Variants in DIPK1A observed in about 807,000 individuals in gnomAD.
DIPK1A encodes the protein divergent protein kinase domain 1A.
In DIPK1A, 27 loss-of-function variants were observed where a neutral mutation model predicts 40.8. That is an observed-to-expected ratio of 0.66 (90% CI 0.49 to 0.91). DIPK1A has a LOEUF of 0.91. Ranked by LOEUF, DIPK1A falls within the 40% of genes least tolerant of loss-of-function variation. DIPK1A has a pLI of 0.00. For synonymous variants in DIPK1A, 166 were observed against 171.3 expected (o/e 0.97, Z 0.24); for missense variants, 412 against 505.7 (o/e 0.81, Z 1.78).
At chr1:92,941,212 A>G (rs1651138828) in intron 1 of DIPK1A, among the ~76,000 whole-genome samples, 1 of 152,242 alleles carries the variant, frequency 6.6e-6, no homozygotes, top group African/African-American at 2.4e-5. Context: ...AGAATGAAAT[A>G]GGACTCAGCT....
intron 4 of DIPK1A, among the ~76,000 whole-genome samples, chr1:92,846,847 G>GTATATATATA (rs1204178725): frequency 0.029 from 10 of 350 alleles, no homozygotes; most frequent in Non-Finnish European, 0.045. Flanking sequence ...ATATATGTGT[G>GTATATATATA]TATATATATA....
At chr1:92,926,012 T>C (rs558424301) in intron 1 of DIPK1A, among the ~76,000 whole-genome samples, 43 of 152,288 alleles carry the variant, frequency 2.8e-4, no homozygotes, top group Admixed American at 2.3e-3. Flanking sequence ...TTTTTTGATC[T>C]TTTGAAAAAA....
At chr1:92,868,526 G>A (rs1647673986) in intron 2 of DIPK1A, among the ~76,000 whole-genome samples, 1 of 152,128 alleles carries the variant, frequency 6.6e-6, no homozygotes, top group South Asian at 2.1e-4. Flanking sequence ...TTTTCAGGCA[G>A]GTTTTTCCCA....
At position 92,936,277 on chromosome 1, in the gene DIPK1A, G is replaced by C. The variant is rs114395134; in HGVS notation, c.54+25099C>G. ...CTTTCTGCATTCATTTAACTAAATA[G>C]GCAGCTTTGAAAACCTAAGTATAGT... On this transcript the variant is annotated intron_variant, in intron 1 of 4. Coordinates refer to ENST00000370310, the MANE Select transcript of DIPK1A (RefSeq NM_001006605.5). 4.3e-3 allele frequency among the ~76,000 whole-genome samples: 655 copies of C among 152,304 alleles called. 6 individuals carry two copies. Among genetic ancestry groups the C allele is most frequent in the African/African-American group, 0.015 (633 of 41,546 alleles).
intron 1 of DIPK1A, among the ~76,000 whole-genome samples, chr1:92,943,109 C>T (rs1651229849): frequency 6.6e-6 from 1 of 152,216 alleles, no homozygotes; most frequent in African/African-American, 2.4e-5. Context: ...ATGTTTGCTA[C>T]TTACAGCTTG....
intron 2 of DIPK1A, among the ~76,000 whole-genome samples, chr1:92,852,956 C>T (rs1365954121): frequency 1.3e-5 from 2 of 151,970 alleles, no homozygotes; most frequent in Admixed American, 6.6e-5. Flanking sequence ...GTAGGAGGAT[C>T]GCTTTAGCCT....
At chr1:92,842,086 G>C, downstream of DIPK1A, 1 of 799,620 alleles carries the variant, frequency 1.3e-6, no homozygotes, top group Non-Finnish European at 1.7e-6. Flanking sequence ...TTACCTGACA[G>C]GAGTCATTAT....
chr1:92,895,566 T>C (rs1334169057), intron 1 of DIPK1A, among the ~76,000 whole-genome samples: 6 of 151,942 alleles, frequency 3.9e-5, no homozygotes, highest in Non-Finnish European at 8.8e-5. Flanking sequence ...TGGGCAAAAA[T>C]TGGAAGCATT....
chr1:92,868,920 C>G (rs1647695192), intron 2 of DIPK1A, among the ~76,000 whole-genome samples: 2 of 149,922 alleles, frequency 1.3e-5, no homozygotes, highest in Admixed American at 6.7e-5. Context: ...GAGCTGAGAT[C>G]GTGCCACTGC....
chr1:92,954,421 A>T (rs1651764172), intron 1 of DIPK1A, among the ~76,000 whole-genome samples: 1 of 120,962 alleles, frequency 8.3e-6, no homozygotes, highest in Admixed American at 1.1e-4. Context: ...TCTGTCACCC[A>T]GACTGGAGTG....
intron 1 of DIPK1A, among the ~76,000 whole-genome samples, chr1:92,955,463 C>T (rs988510572): frequency 2.6e-4 from 40 of 151,940 alleles, no homozygotes; most frequent in African/African-American, 9.2e-4. Context: ...CTTTGGGAGG[C>T]CAAGGCAGGC....
At chr1:92,913,388 G>C (rs1363997139) in intron 1 of DIPK1A, among the ~76,000 whole-genome samples, 2 of 151,962 alleles carry the variant, frequency 1.3e-5, no homozygotes, top group East Asian at 3.9e-4. Context: ...AAAAAAAAGG[G>C]GAAAATACTG....
chr1:92,943,994 A>G (rs1651270700), intron 1 of DIPK1A, among the ~76,000 whole-genome samples: 1 of 152,228 alleles, frequency 6.6e-6, no homozygotes, highest in African/African-American at 2.4e-5. Flanking sequence ...TAAAATTGTT[A>G]TAATCAAAAT....
At chr1:92,871,455 G>A (rs1377903661) in intron 2 of DIPK1A, among the ~76,000 whole-genome samples, 1 of 152,090 alleles carries the variant, frequency 6.6e-6, no homozygotes, top group Non-Finnish European at 1.5e-5. Flanking sequence ...GTGAGACACT[G>A]CACCCGGCCT....
At chr1:92,868,128 G>A (rs990844140) in intron 2 of DIPK1A, among the ~76,000 whole-genome samples, 71 of 152,022 alleles carry the variant, frequency 4.7e-4, no homozygotes, top group Non-Finnish European at 8.4e-4. Context: ...TACTTTTCTC[G>A]AGCCTGTATA....
At chr1:92,838,416 C>G (rs936843117), downstream of DIPK1A, among the ~76,000 whole-genome samples, 1 of 152,200 alleles carries the variant, frequency 6.6e-6, no homozygotes, top group Non-Finnish European at 1.5e-5. Context: ...ACTAGTCTTG[C>G]AAAATTTACT....
intron 1 of DIPK1A, among the ~76,000 whole-genome samples, chr1:92,884,134 A>G (rs950295333): frequency 6.6e-6 from 1 of 152,174 alleles, no homozygotes; most frequent in Non-Finnish European, 1.5e-5. Context: ...ACAAAGTTCC[A>G]TGATAAAGAA....
At chr1:92,927,423 T>C (rs12061922) in intron 1 of DIPK1A, among the ~76,000 whole-genome samples, 1 of 148,840 alleles carries the variant, frequency 6.7e-6, no homozygotes, top group African/African-American at 2.5e-5. Context: ...CCCAGGCTGG[T>C]CTCAAACTCC....
At chr1:92,902,639 G>C (rs1468838095) in intron 1 of DIPK1A, among the ~76,000 whole-genome samples, 2 of 152,168 alleles carry the variant, frequency 1.3e-5, no homozygotes, top group Non-Finnish European at 2.9e-5. Flanking sequence ...AGTTGGCCAA[G>C]GTGTTGATAG....
Sources: gnomAD v4.1 joint callset for allele counts (sites outside exome capture counted in the v4.1 genomes callset) on GRCh38, gnomAD v4.1.1 for gene constraint, MANE v1.5 for transcripts, NCBI Gene and HGNC (gene_info 2026-07-23, HGNC 2026-07-21) for gene names.